The following SPG11 variants were observed in gnomAD, a reference collection of about 807,000 sequenced individuals.
SPG11 encodes SPG11 vesicle trafficking associated, spatacsin, also known as spatacsin.
Under a neutral mutation model 274.0 loss-of-function variants are expected in SPG11, and 222 were observed. That is an observed-to-expected ratio of 0.81 (90% confidence interval 0.73 to 0.91). The LOEUF (loss-of-function observed/expected upper bound fraction) is 0.91, where lower values mean the gene tolerates loss of function less well. SPG11 is among the 40% of genes least tolerant of loss of function. The pLI, the probability that SPG11 is intolerant of heterozygous loss-of-function variation, is 0.00. For missense variants in SPG11, 3,114 were observed against 2,872.7 expected (o/e 1.08, Z -1.92); for synonymous variants, 1,144 against 1,039.7 (o/e 1.10, Z -1.93).
At position 44,651,951 on chromosome 15, in the gene SPG11, G is replaced by A. The variant is rs1424225651; in HGVS notation, c.1008-12C>T. 2 of 1,607,088 alleles carry A rather than the reference G, an allele frequency of 1.2e-6. No individual in the cohort carries two copies. Among genetic ancestry groups the A allele is most frequent in the Non-Finnish European group, 1.7e-6 (2 of 1,178,352 alleles). On this transcript the variant is annotated splice_polypyrimidine_tract_variant and intron_variant, in intron 5 of 39. Coordinates refer to ENST00000261866, the MANE Select transcript of SPG11 (RefSeq NM_025137.4). Reference sequence around the variant, plus strand: ...GGGCTTTCCAAGACCTGGAAACAAGGTAAAATATAACTTAACACCTGTCAC... The same window carrying A: ...GGGCTTTCCAAGACCTGGAAACAAGATAAAATATAACTTAACACCTGTCAC...
Position 44,651,525 on chromosome 15 carries a change from A to G in SPG11, c.1422T>C (p.Ser474=). 6.2e-7 allele frequency: 1 copy of G among 1,614,180 alleles called. No homozygotes were observed. The highest frequency in any genetic ancestry group is 8.5e-7 in the Non-Finnish European group (1 of 1,180,030). ...CAAAGCACAGCTGCTGGTCTCCACT[A>G]CTGTCTACAGGAATACACTTTGTGC... is the stretch of plus-strand genomic sequence containing the variant. ...SLGTKCIPVD[S]SGDQQLCFVL... The change falls in exon 6 of 40, where the codon AGT becomes AGC. Residue 474 remains serine, a synonymous_variant. Coordinates refer to ENST00000261866, the MANE Select transcript of SPG11 (RefSeq NM_025137.4).
At chr15:44,566,402 A>T in intron 36 of SPG11, 97 bp from the exon 37 acceptor site, 1 of 1,232,782 alleles carries the variant, frequency 8.1e-7, no homozygotes. Flanking sequence ...GAAACATCCC[A>T]GCCATGTTCA....
intron 17 of SPG11, among the ~76,000 whole-genome samples, chr15:44,612,758 T>A (rs572736996): frequency 6.6e-6 from 1 of 152,038 alleles, no homozygotes; most frequent in Non-Finnish European, 1.5e-5. Flanking sequence ...TGAACATATA[T>A]TACTTCATAA....
chr15:44,632,921 T>C (rs2084114189), intron 8 of SPG11, among the ~76,000 whole-genome samples: 1 of 152,182 alleles, frequency 6.6e-6, no homozygotes, highest in Non-Finnish European at 1.5e-5. Context: ...CTGTTGTGTA[T>C]AAAACTGTCT....
chr15:44,606,997 T>C (rs1486448406), intron 19 of SPG11, among the ~76,000 whole-genome samples: 2 of 152,336 alleles, frequency 1.3e-5, no homozygotes, highest in East Asian at 3.9e-4. Context: ...ATCCACTTTA[T>C]CATTTATACC....
intron 17 of SPG11, among the ~76,000 whole-genome samples, chr15:44,612,533 G>C (rs2083487725): frequency 6.6e-6 from 1 of 151,924 alleles, no homozygotes; most frequent in Non-Finnish European, 1.5e-5. Flanking sequence ...CAAGTTGCTG[G>C]GACTACAGGA....
At position 44,564,645 on chromosome 15, in the gene SPG11, TA is replaced by T; in HGVS notation, c.7052del (p.Leu2351TyrfsTer5). 3 of 1,614,170 alleles carry T rather than the reference TA, an allele frequency of 1.9e-6. No homozygotes were observed. Among genetic ancestry groups the T allele is most frequent in the Non-Finnish European group, 2.5e-6 (3 of 1,179,998 alleles). ...CTCCTTTAAGAATCACTTGCTGGTATAAAATTTCAGCCCAATCTGGAACAAA... is the reference window on the plus strand; with the variant it reads ...CTCCTTTAAGAATCACTTGCTGGTATAAATTTCAGCCCAATCTGGAACAAA... ...YDFVPDWAEI[L>X]YQQVILKGDF... On this transcript the variant is annotated frameshift_variant, in exon 39 of 40. Coordinates refer to ENST00000261866, the MANE Select transcript of SPG11 (RefSeq NM_025137.4). LOFTEE classifies it high-confidence loss of function.
At chr15:44,616,066 T>A (rs1595884605) in intron 15 of SPG11, among the ~76,000 whole-genome samples, 1 of 152,222 alleles carries the variant, frequency 6.6e-6, no homozygotes, top group Non-Finnish European at 1.5e-5. Flanking sequence ...TACCTGTATA[T>A]GGAGTTTATA....
intron 29 of SPG11, among the ~76,000 whole-genome samples, chr15:44,584,935 T>C (rs946175251): frequency 1.3e-5 from 2 of 152,216 alleles, no homozygotes; most frequent in African/African-American, 2.4e-5. Flanking sequence ...GGCCTTATCA[T>C]ACTTGTTAAA....
chr15:44,578,190 A>C (rs1047599945), intron 30 of SPG11, among the ~76,000 whole-genome samples: 1 of 127,852 alleles, frequency 7.8e-6, no homozygotes, highest in Non-Finnish European at 1.7e-5. Flanking sequence ...ACGCGTGGCT[A>C]TTTTTTTTTT....
At chr15:44,658,127 T>A (rs893778830) in intron 3 of SPG11, among the ~76,000 whole-genome samples, 1 of 152,270 alleles carries the variant, frequency 6.6e-6, no homozygotes, top group Non-Finnish European at 1.5e-5. Context: ...TAGTGCCTAC[T>A]GTTCTGGACA....
intron 3 of SPG11, 99 bp downstream of exon 3, chr15:44,658,980 C>G: frequency 8.9e-7 from 1 of 1,123,282 alleles, no homozygotes; most frequent in Non-Finnish European, 1.3e-6. Flanking sequence ...AACCACACTT[C>G]CTATATCCCA....
At chr15:44,569,632 T>C in intron 34 of SPG11, 127 bp from the exon 35 acceptor site, 1 of 745,338 alleles carries the variant, frequency 1.3e-6, no homozygotes, top group Non-Finnish European at 2.4e-6. Context: ...ATTTCCAGGC[T>C]ACCATGCTTA....
chr15:44,564,794 T>C lies in SPG11; in HGVS notation c.7000-96A>G, dbSNP rs1426723008. ...GAAAACAATACTGTATACTCACTCA[T>C]GTAGTGAATATGATCATTACCAATT... On this transcript the variant is annotated intron_variant, in intron 38 of 39. Coordinates refer to ENST00000261866, the MANE Select transcript of SPG11 (RefSeq NM_025137.4). The C allele has an allele frequency of 3.1e-6, 4 of 1,288,064 alleles. No individual in the cohort carries two copies. In the African/African-American group the frequency reaches 5.9e-5, roughly 19 times the overall value. 79.8% of individuals were successfully genotyped at this position (1,288,064 alleles called of 1,614,324 possible).
intron 38 of SPG11, among the ~76,000 whole-genome samples, chr15:44,565,218 G>C (rs1435730444): frequency 5.9e-5 from 9 of 152,114 alleles, no homozygotes; most frequent in Admixed American, 3.9e-4. Flanking sequence ...TAACTGCTGG[G>C]GCTAGGAGGT....
intron 19 of SPG11, among the ~76,000 whole-genome samples, chr15:44,607,059 T>A (rs931540755): frequency 6.6e-6 from 1 of 152,226 alleles, no homozygotes; most frequent in Non-Finnish European, 1.5e-5. Context: ...TCTGTCAGTA[T>A]AAATCCAGAA....
intron 4 of SPG11, among the ~76,000 whole-genome samples, chr15:44,656,246 C>T (rs1198701963): frequency 6.6e-6 from 1 of 152,174 alleles, no homozygotes; most frequent in African/African-American, 2.4e-5. Flanking sequence ...ATTAAAGGTA[C>T]TAAGTGTGAA....
At chr15:44,572,607 AAGTTTTGG>A (rs1373479247) in intron 33 of SPG11, 68 bp downstream of exon 33, 1 of 1,505,926 alleles carries the variant, frequency 6.6e-7, no homozygotes, top group African/African-American at 1.4e-5. Context: ...GACCCAAATC[AAGTTTTGG>A]AGAGACTGGG....
At chr15:44,579,508 T>C (rs1252788891) in intron 30 of SPG11, among the ~76,000 whole-genome samples, 3 of 117,766 alleles carry the variant, frequency 2.5e-5, no homozygotes, top group East Asian at 2.3e-4. Context: ...GCATGGGCGA[T>C]AGAGTGAGAC....
Sources: gnomAD v4.1 joint callset for allele counts (sites outside exome capture counted in the v4.1 genomes callset) on GRCh38, gnomAD v4.1.1 for gene constraint, MANE v1.5 for transcripts, NCBI Gene and HGNC (gene_info 2026-07-23, HGNC 2026-07-21) for gene names.